The following CMC2 variants were observed in gnomAD, a reference collection of about 807,000 sequenced individuals.
CMC2 encodes C-X9-C motif containing 2.
In CMC2, 5 loss-of-function variants were observed where a neutral mutation model predicts 7.5. The observed-to-expected ratio is 0.66, with a 90% confidence interval of 0.35 to 1.40. CMC2 has a LOEUF of 1.40. Among genes scored for constraint, CMC2 ranks in the 40% most tolerant of loss-of-function variants. The pLI is 0.04. For missense variants in CMC2, 115 were observed against 92.3 expected, an observed-to-expected ratio of 1.25 and a Z score of -1.01; for synonymous variants, 37 against 31.4, an observed-to-expected ratio of 1.18 and a Z score of -0.60.
At chr16:80,984,123 T>C (rs796456680) in intron 2 of CMC2, 28 of 152,382 alleles carry the variant, frequency 1.8e-4, no homozygotes, top group African/African-American at 6.7e-4. Context: ...TAGTTGTTTC[T>C]AGTCCTATGA....
At chr16:81,006,134 G>A (rs567659263) in intron 1 of CMC2, among the ~76,000 whole-genome samples, 1 of 152,120 alleles carries the variant, frequency 6.6e-6, no homozygotes, top group African/African-American at 2.4e-5. Flanking sequence ...AAGACTCTAC[G>A]TAAAACGCCT....
Position 80,968,795 on chromosome 16 carries a change from C to G in CMC2, c.*7298G>C, listed in dbSNP as rs1911723776. 6.6e-6 allele frequency: 1 copy of G among 151,992 alleles called. No homozygotes were observed. The highest frequency in any genetic ancestry group is 2.4e-5 in the African/African-American group (1 of 41,350). The allele number at this position is 151,992 out of a possible 1,614,324, so 9.4% of individuals were successfully genotyped here. A position where few individuals can be genotyped will look rare whatever the true frequency, so the allele number is the denominator to read the frequency against. On this transcript the variant is annotated 3_prime_UTR_variant, in exon 4 of 4. Coordinates refer to ENST00000219400, the MANE Select transcript of CMC2 (RefSeq NM_020188.5). The stretch of plus-strand genomic sequence containing the variant: ...GTTGAAATCAGAGAGAACTGTAAAC[C>G]AGAAAGTAAGTGCATCAGCACATGC...
At chr16:80,998,301 T>G (rs920735801) in intron 1 of CMC2, 5 of 151,902 alleles carry the variant, frequency 3.3e-5, no homozygotes, top group Non-Finnish European at 7.4e-5. Context: ...TAATTTTTTT[T>G]AAAGTTCCAA....
At chr16:80,993,407 G>C (rs1367258268) in intron 2 of CMC2, among the ~76,000 whole-genome samples, 1 of 152,194 alleles carries the variant, frequency 6.6e-6, no homozygotes, top group Non-Finnish European at 1.5e-5. Flanking sequence ...AATTCGGGCA[G>C]GCTGGGGCAG....
At chr16:80,990,634 G>C (rs760623619) in intron 2 of CMC2, among the ~76,000 whole-genome samples, 1 of 152,094 alleles carries the variant, frequency 6.6e-6, no homozygotes, top group Non-Finnish European at 1.5e-5. Context: ...TTATACAAAC[G>C]CTAGGATACT....
In CMC2 at chr16:80,971,712, G is replaced by A. The variant is rs1911942248; in HGVS notation, c.*4381C>T. 6.6e-6 allele frequency: 1 copy of A among 150,780 alleles called. No individual in the cohort carries two copies. 9.3% of individuals were successfully genotyped at this position (150,780 alleles called of 1,614,324 possible). On this transcript the variant is annotated 3_prime_UTR_variant, in exon 4 of 4. Coordinates refer to ENST00000219400, the MANE Select transcript of CMC2 (RefSeq NM_020188.5). ...CGGGCTTGGGGTGACAAACACAGGA[G>A]GCTTTACCCACTTTTGTATTATTAT...
intron 2 of CMC2, among the ~76,000 whole-genome samples, chr16:80,986,975 G>A (rs183555625): frequency 6.6e-6 from 1 of 152,330 alleles, no homozygotes; most frequent in African/African-American, 2.4e-5. Context: ...AAAACTTAAG[G>A]AAAACCAGGG....
Position 80,969,886 on chromosome 16 carries a change from C to G in CMC2, c.*6207G>C, listed in dbSNP as rs1206911352. ...CCTGGGTGACACAGCAAGACTCCGTCTCAATTAGAAAAGAAAAAAACCCAT... is the reference window on the plus strand; with the variant it reads ...CCTGGGTGACACAGCAAGACTCCGTGTCAATTAGAAAAGAAAAAAACCCAT... On this transcript the variant is annotated 3_prime_UTR_variant, in exon 4 of 4. Transcript: ENST00000219400. The G allele has an allele frequency of 6.6e-6, 1 of 152,120 alleles. No homozygotes were observed. The highest frequency in any genetic ancestry group is 1.5e-5 in the Non-Finnish European group (1 of 68,044). 9.4% of individuals were successfully genotyped at this position (152,120 alleles called of 1,614,324 possible).
rs910201664 is a variant in CMC2 at position 80,968,146 on chromosome 16, A to G, written c.*7947T>C. 1.3e-5 allele frequency: 2 copies of G among 152,326 alleles called. No homozygotes were observed. The highest frequency in any genetic ancestry group is 6.5e-5 in the Admixed American group (1 of 15,308). 9.4% of individuals were successfully genotyped at this position (152,326 alleles called of 1,614,324 possible). On this transcript the variant is annotated 3_prime_UTR_variant, in exon 4 of 4. Coordinates refer to ENST00000219400, the MANE Select transcript of CMC2 (RefSeq NM_020188.5). The stretch of plus-strand genomic sequence containing the variant: ...CTAAGTCAATGCTTCTCCAATTTTT[A>G]TATGCATGCAAATCATCTGGGGATT...
chr16:80,989,280 T>C (rs987253077), intron 2 of CMC2, among the ~76,000 whole-genome samples: 53 of 152,356 alleles, frequency 3.5e-4, no homozygotes, highest in African/African-American at 1.1e-3. Context: ...GATTTTCTAA[T>C]TCTAGCACTC....
At chr16:80,976,266 A>C (rs1356064329) in intron 3 of CMC2, 87 bp from the exon 4 acceptor site, 1 of 690,330 alleles carries the variant, frequency 1.4e-6, no homozygotes. Context: ...TATTTGCAAA[A>C]TATAAATGTC....
At chr16:80,977,359 A>T (rs1422916421) in intron 3 of CMC2, among the ~76,000 whole-genome samples, 1 of 152,236 alleles carries the variant, frequency 6.6e-6, no homozygotes, top group Non-Finnish European at 1.5e-5. Flanking sequence ...TTTTATATGT[A>T]TATATGTACA....
Position 80,973,499 on chromosome 16 carries a change from T to A in CMC2, c.*2594A>T, listed in dbSNP as rs1415381025. On this transcript the variant is annotated 3_prime_UTR_variant, in exon 4 of 4. Coordinates refer to ENST00000219400, the MANE Select transcript of CMC2 (RefSeq NM_020188.5). The stretch of plus-strand genomic sequence containing the variant: ...GACAGGTACTGTCACTGGGTTGAAC[T>A]GGTTTAACCATAACTATTCACCGAA... The A allele has an allele frequency of 6.6e-6, 1 of 152,224 alleles. No individual in the cohort carries two copies. The highest frequency in any genetic ancestry group is 2.4e-5 in the African/African-American group (1 of 41,468). The allele number at this position is 152,224 out of a possible 1,614,324, so 9.4% of individuals were successfully genotyped here.
At chr16:80,992,872 TG>T (rs1968117897) in intron 2 of CMC2, among the ~76,000 whole-genome samples, 1 of 152,138 alleles carries the variant, frequency 6.6e-6, no homozygotes, top group Non-Finnish European at 1.5e-5. Flanking sequence ...TTTTATTTTT[TG>T]TAGAGACAGG....
rs1163146677 is a variant in CMC2, at chr16:80,970,502, G to C, written c.*5591C>G. 2.0e-5 allele frequency: 3 copies of C among 152,196 alleles called. No homozygotes were observed. Among genetic ancestry groups the C allele is most frequent in the Non-Finnish European group, 4.4e-5 (3 of 68,032 alleles). 9.4% of individuals were successfully genotyped at this position (152,196 alleles called of 1,614,324 possible). Reference sequence around the variant, plus strand: ...AAAACCTACTACAAATTTGCTACTTGTCAGTGAAATGTAAGGATTTAACAT... The same window carrying C: ...AAAACCTACTACAAATTTGCTACTTCTCAGTGAAATGTAAGGATTTAACAT... On this transcript the variant is annotated 3_prime_UTR_variant, in exon 4 of 4. Transcript: ENST00000219400.
chr16:80,997,842 G>A (rs1452624851), intron 1 of CMC2: 2 of 153,440 alleles, frequency 1.3e-5, no homozygotes, highest in Non-Finnish European at 2.9e-5. Flanking sequence ...ATATTATTCT[G>A]AGGGTTAAAG....
At chr16:80,988,173 G>A (rs192651932) in intron 2 of CMC2, among the ~76,000 whole-genome samples, 1 of 152,294 alleles carries the variant, frequency 6.6e-6, no homozygotes, top group Admixed American at 6.5e-5. Flanking sequence ...GACAGAGTGA[G>A]ACATCCTCCC....
At chr16:80,984,332 C>G (rs1045386758) in intron 2 of CMC2, among the ~76,000 whole-genome samples, 5 of 152,182 alleles carry the variant, frequency 3.3e-5, no homozygotes, top group Admixed American at 2.0e-4. Flanking sequence ...ATAAGCACAT[C>G]TTTTCCTTTT....
intron 1 of CMC2, chr16:80,998,001 A>T (rs1968561142): frequency 6.6e-6 from 1 of 152,226 alleles, no homozygotes; most frequent in Non-Finnish European, 1.5e-5. Flanking sequence ...TATTACACTG[A>T]AAACATGAAG....
Sources: allele counts gnomAD v4.1 joint callset (sites outside exome capture counted in the v4.1 genomes callset), GRCh38; gene constraint gnomAD v4.1.1; transcripts MANE v1.5; gene names NCBI Gene and HGNC (gene_info 2026-07-23, HGNC 2026-07-21).